Variants in TNKS observed in about 807,000 individuals in gnomAD.
TNKS encodes the protein poly [ADP-ribose] polymerase tankyrase-1.
In TNKS, 72 loss-of-function variants were observed where a neutral mutation model predicts 135.8. That is an observed-to-expected ratio of 0.53 (90% CI 0.44 to 0.64). The LOEUF (loss-of-function observed/expected upper bound fraction) is 0.64, where lower values mean the gene tolerates loss of function less well. Among genes scored for constraint, TNKS ranks in the 30% least tolerant of loss-of-function variants. TNKS has a pLI of 0.00. For missense variants in TNKS, 1,769 were observed against 1,674.0 expected (o/e 1.06, Z -0.99); for synonymous variants, 849 against 649.3 (o/e 1.31, Z -4.68).
intron 2 of TNKS, among the ~76,000 whole-genome samples, chr8:9,590,474 A>G (rs952126554): frequency 1.3e-5 from 2 of 152,086 alleles, no homozygotes; most frequent in Non-Finnish European, 2.9e-5. Flanking sequence ...TCCTTATTTA[A>G]TCATACATTT....
At position 9,603,163 on chromosome 8, in the gene TNKS, C is replaced by T. The variant is rs890146283; in HGVS notation, c.899-12419C>T. Among the ~76,000 whole-genome samples the T allele has an allele frequency of 4.6e-5, 7 of 152,242 alleles. No individual in the cohort carries two copies. In the East Asian group the frequency reaches 1.2e-3, roughly 25 times the overall value. On this transcript the variant is annotated intron_variant, in intron 2 of 26. Transcript: ENST00000310430. ...CATCTCCCAGTTTCAGGCCATTCTC[C>T]TGCCTCAGGCTCCCAAGTAGCTGGG... is the stretch of plus-strand genomic sequence containing the variant.
chr8:9,585,209 C>T (rs1476997459), intron 2 of TNKS, among the ~76,000 whole-genome samples: 3 of 151,160 alleles, frequency 2.0e-5, no homozygotes, highest in Non-Finnish European at 4.4e-5. Context: ...AATTAAAGAC[C>T]ATGTTAGTAG....
chr8:9,593,661 T>C (rs1798668920), intron 2 of TNKS, among the ~76,000 whole-genome samples: 1 of 152,162 alleles, frequency 6.6e-6, no homozygotes, highest in African/African-American at 2.4e-5. Context: ...TAACTTCCTT[T>C]TGTGTGTCTG....
chr8:9,753,460 A>G (rs1213596348), intron 20 of TNKS, among the ~76,000 whole-genome samples: 2 of 152,178 alleles, frequency 1.3e-5, no homozygotes, highest in South Asian at 2.1e-4. Context: ...TCCATCTTAA[A>G]TGTCTGTGAA....
intron 3 of TNKS, among the ~76,000 whole-genome samples, chr8:9,626,496 C>T (rs1296309229): frequency 1.3e-5 from 2 of 152,284 alleles, no homozygotes; most frequent in African/African-American, 2.4e-5. Context: ...GAAACTAGTA[C>T]AGTATCTATT....
chr8:9,776,104 C>A (rs750730035), intron 26 of TNKS, among the ~76,000 whole-genome samples: 11 of 152,062 alleles, frequency 7.2e-5, no homozygotes, highest in African/African-American at 1.2e-4. Flanking sequence ...TAAATCGGAG[C>A]CCTTATCTCT....
intron 3 of TNKS, among the ~76,000 whole-genome samples, chr8:9,644,119 G>A (rs375701377): frequency 3.3e-5 from 5 of 151,958 alleles, no homozygotes; most frequent in Admixed American, 1.3e-4. Flanking sequence ...CTGAAGAGAG[G>A]GGGGAATGGG....
At position 9,777,749 on chromosome 8, in the gene TNKS, C is replaced by A. The variant is rs1332735787; in HGVS notation, c.*1013C>A. ...AATCTGTACTGTTGGGATTGTTACC[C>A]CTCCAAATTAGCTGCCTTATTTCAA... On this transcript the variant is annotated 3_prime_UTR_variant, in exon 27 of 27. Transcript: ENST00000310430. The A allele has an allele frequency of 6.6e-6, 1 of 152,154 alleles. No homozygotes were observed. The highest frequency in any genetic ancestry group is 1.5e-5 in the Non-Finnish European group (1 of 68,036). The allele number at this position is 152,154 out of a possible 1,614,324, so 9.4% of individuals were successfully genotyped here.
intron 3 of TNKS, 74 bp downstream of exon 3, chr8:9,615,751 C>A (rs1799622261): frequency 1.6e-6 from 2 of 1,222,340 alleles, no homozygotes; most frequent in Admixed American, 2.4e-5. Context: ...TCTTGTTATG[C>A]TGAATTTTTC....
chr8:9,708,271 A>C, intron 8 of TNKS, 100 bp from the exon 9 acceptor site: 1 of 1,097,912 alleles, frequency 9.1e-7, no homozygotes, highest in Non-Finnish European at 1.2e-6. Flanking sequence ...AAAATAGAGA[A>C]ATTCATAAAA....
rs573793928 is a variant in TNKS, at chr8:9,602,176, C to A, written c.899-13406C>A. On this transcript the variant is annotated intron_variant, in intron 2 of 26. Coordinates refer to ENST00000310430, the MANE Select transcript of TNKS (RefSeq NM_003747.3). The stretch of plus-strand genomic sequence containing the variant: ...CGTTAAGTGCATTCAACAGACAAGC[C>A]GTGGCAAAAGCCCGAGCCTGACTAC... Among the ~76,000 whole-genome samples, 5 of 152,224 alleles carry A rather than the reference C, an allele frequency of 3.3e-5. No individual in the cohort carries two copies. The South Asian group carries it at 1.0e-3, about 32-fold the overall frequency.
intron 23 of TNKS, 25 bp from the exon 24 acceptor site, chr8:9,765,667 G>A (rs917224890): frequency 8.8e-6 from 14 of 1,583,698 alleles, no homozygotes; most frequent in Non-Finnish European, 1.2e-5. Context: ...CACCGATAAT[G>A]TTTCTTTCTT....
Position 9,556,578 on chromosome 8 carries a change from C to T in TNKS, c.639C>T (p.Ala213=), listed in dbSNP as rs367692888. The T allele has an allele frequency of 6.2e-7, 1 of 1,613,826 alleles. No homozygotes were observed. Among genetic ancestry groups the T allele is most frequent in the Non-Finnish European group, 8.5e-7 (1 of 1,180,032 alleles). Reference sequence around the variant, plus strand: ...CAAACGTAAATGCAAAGGACATGGCCGGCCGGAAGTCTTCTCCCCTGCACT... The same window carrying T: ...CAAACGTAAATGCAAAGGACATGGCTGGCCGGAAGTCTTCTCCCCTGCACT... ...DAANVNAKDM[A]GRKSSPLHFA... is the part of the protein sequence containing the mutation. The change falls in exon 1 of 27, where the codon GCC becomes GCT. Residue 213 remains alanine (A), a synonymous_variant. Transcript: ENST00000310430.
At chr8:9,726,984 T>C (rs1805196174) in intron 13 of TNKS, among the ~76,000 whole-genome samples, 1 of 152,208 alleles carries the variant, frequency 6.6e-6, no homozygotes, top group Admixed American at 6.5e-5. Flanking sequence ...ATACATGGTT[T>C]TTAGTAATTT....
chr8:9,571,167 A>G (rs996037089), intron 1 of TNKS, among the ~76,000 whole-genome samples: 1 of 152,172 alleles, frequency 6.6e-6, no homozygotes, highest in Non-Finnish European at 1.5e-5. Flanking sequence ...GTTGAATTTA[A>G]GGAAGCTACA....
At chr8:9,661,931 G>C (rs550102844) in intron 3 of TNKS, among the ~76,000 whole-genome samples, 1 of 152,286 alleles carries the variant, frequency 6.6e-6, no homozygotes, top group East Asian at 1.9e-4. Flanking sequence ...CAAAGGGTAT[G>C]AACAGACACT....
chr8:9,589,386 G>T (rs1187103501), intron 2 of TNKS, among the ~76,000 whole-genome samples: 1 of 152,342 alleles, frequency 6.6e-6, no homozygotes, highest in Middle Eastern at 3.4e-3. Flanking sequence ...ATAACTGCAT[G>T]TAAAGTTGGA....
intron 5 of TNKS, among the ~76,000 whole-genome samples, chr8:9,698,912 A>G (rs1231611532): frequency 1.3e-5 from 2 of 152,196 alleles, no homozygotes; most frequent in African/African-American, 4.8e-5. Flanking sequence ...TTTTTCTGTT[A>G]ACATTTTATG....
chr8:9,669,350 G>A (rs953911822), intron 3 of TNKS, among the ~76,000 whole-genome samples: 1 of 151,024 alleles, frequency 6.6e-6, no homozygotes, highest in East Asian at 1.9e-4. Context: ...CCCGGGAAGC[G>A]GAGCTTGCAG....
Sources: gnomAD v4.1 joint callset for allele counts (sites outside exome capture counted in the v4.1 genomes callset) on GRCh38, gnomAD v4.1.1 for gene constraint, MANE v1.5 for transcripts, NCBI Gene and HGNC (gene_info 2026-07-23, HGNC 2026-07-21) for gene names.